The following DSN1 variants were observed in gnomAD, a reference collection of about 807,000 sequenced individuals.
The protein encoded by DSN1 is kinetochore-associated protein DSN1 homolog.
In DSN1, 31 loss-of-function variants were observed where a neutral mutation model predicts 45.7. The ratio of observed to expected loss-of-function variants is 0.68; its 90% CI spans 0.51 to 0.92. The LOEUF is 0.92. DSN1 is among the 40% of genes least tolerant of loss of function. DSN1 has a pLI of 0.00. For missense variants in DSN1, 394 were observed against 414.2 expected, an observed-to-expected ratio of 0.95 and a Z score of 0.42; for synonymous variants, 134 against 142.3, an observed-to-expected ratio of 0.94 and a Z score of 0.41.
In DSN1 at chr20:36,773,756, C is replaced by T. The variant is rs1413122516; in HGVS notation, c.-110G>A. ...CCGATACTCCCTGATCAGGGTGAAG[C>T]GGTCTCCACCTTCTACGTCACGGTC... On this transcript the variant is annotated 5_prime_UTR_variant, in exon 1 of 11. Coordinates refer to ENST00000373750, the MANE Select transcript of DSN1 (RefSeq NM_001145315.2). The T allele has an allele frequency of 4.1e-6, 4 of 985,380 alleles. No homozygotes were observed. The Admixed American group carries it at 1.8e-4, about 45-fold the overall frequency. The allele number at this position is 985,380 out of a possible 1,614,324, so 61.0% of individuals were successfully genotyped here.
At chr20:36,772,672 C>T (rs866179184) in intron 1 of DSN1, among the ~76,000 whole-genome samples, 23 of 152,364 alleles carry the variant, frequency 1.5e-4, no homozygotes, top group Middle Eastern at 3.4e-3. Context: ...TTACCCATTC[C>T]TGCTCTCTCC....
At chr20:36,768,740 A>G (rs1208973624) in intron 3 of DSN1, among the ~76,000 whole-genome samples, 4 of 152,192 alleles carry the variant, frequency 2.6e-5, no homozygotes, top group Non-Finnish European at 5.9e-5. Context: ...ACTGTATACT[A>G]TAAGAAGAGT....
At chr20:36,765,914 C>T (rs1325544632) in intron 5 of DSN1, among the ~76,000 whole-genome samples, 2 of 150,778 alleles carry the variant, frequency 1.3e-5, no homozygotes, top group Non-Finnish European at 2.9e-5. Context: ...AAATCCAGGC[C>T]GGGCACAGTG....
chr20:36,773,705 C>G lies in DSN1; in HGVS notation c.-59G>C. ...GGTCGCTCTCCACAGCCCCAGGTCA[C>G]TCCTGGACGCCTTGCGCACCCGCAG... On this transcript the variant is annotated 5_prime_UTR_variant, in exon 1 of 11. Transcript: ENST00000373750. 1.0e-6 allele frequency: 1 copy of G among 985,612 alleles called. No individual in the cohort carries two copies. Among genetic ancestry groups the G allele is most frequent in the Non-Finnish European group, 1.2e-6 (1 of 830,036 alleles). 61.1% of individuals were successfully genotyped at this position (985,612 alleles called of 1,614,324 possible). A position where few individuals can be genotyped will look rare whatever the true frequency, so the allele number is the denominator to read the frequency against.
intron 5 of DSN1, among the ~76,000 whole-genome samples, chr20:36,764,192 G>A (rs1015968614): frequency 5.3e-5 from 8 of 151,466 alleles, no homozygotes; most frequent in Admixed American, 4.0e-4. Context: ...GTGTACTCCA[G>A]CCTGGGCAAC....
At chr20:36,765,094 C>T (rs1987240443) in intron 5 of DSN1, among the ~76,000 whole-genome samples, 1 of 151,744 alleles carries the variant, frequency 6.6e-6, no homozygotes, top group Non-Finnish European at 1.5e-5. Context: ...TGTAAGAAAA[C>T]AAGTCCCTAC....
chr20:36,763,470 C>T (rs1344470282), intron 5 of DSN1, among the ~76,000 whole-genome samples: 3 of 135,998 alleles, frequency 2.2e-5, no homozygotes, highest in Admixed American at 7.4e-5. Context: ...ATAAGAAACA[C>T]GGAGGCAAAT....
rs1986575045 is a variant in DSN1 at position 36,754,706 on chromosome 20, C to A, written c.961+57G>T. On this transcript the variant is annotated intron_variant, in intron 10 of 10. Transcript: ENST00000373750. The stretch of plus-strand genomic sequence containing the variant: ...TAGGCTTTGAAGGGCAGTTTGTATC[C>A]CAAAGGCTATCATGGAAAACAGCCT... The A allele has an allele frequency of 2.7e-6, 4 of 1,495,746 alleles. No homozygotes were observed. The African/African-American group carries it at 5.5e-5, about 21-fold the overall frequency. The allele number at this position is 1,495,746 out of a possible 1,614,324, so 92.7% of individuals were successfully genotyped here. A position where few individuals can be genotyped will look rare whatever the true frequency, so the allele number is the denominator to read the frequency against.
intron 1 of DSN1, among the ~76,000 whole-genome samples, chr20:36,773,049 A>G (rs1458943469): frequency 6.6e-6 from 1 of 152,168 alleles, no homozygotes; most frequent in African/African-American, 2.4e-5. Flanking sequence ...AAAGATAACA[A>G]GGAGGGCTCG....
intron 8 of DSN1, among the ~76,000 whole-genome samples, chr20:36,757,409 T>C (rs1042654541): frequency 1.3e-5 from 2 of 151,742 alleles, no homozygotes; most frequent in African/African-American, 4.8e-5. Flanking sequence ...TGAAATCCTG[T>C]CTCTACTAAA....
intron 3 of DSN1, among the ~76,000 whole-genome samples, chr20:36,769,712 C>T (rs1987530322): frequency 6.6e-6 from 1 of 151,950 alleles, no homozygotes; most frequent in Non-Finnish European, 1.5e-5. Flanking sequence ...CTGATGAGGA[C>T]CTTAAGACAA....
chr20:36,769,398 A>G (rs1987515521), intron 3 of DSN1, among the ~76,000 whole-genome samples: 1 of 152,224 alleles, frequency 6.6e-6, no homozygotes, highest in Admixed American at 6.5e-5. Flanking sequence ...GCAAGAACCA[A>G]TCTTATTACA....
At chr20:36,753,818 C>G (rs530587026) in intron 10 of DSN1, among the ~76,000 whole-genome samples, 20 of 148,474 alleles carry the variant, frequency 1.3e-4, no homozygotes, top group Non-Finnish European at 2.1e-4. Context: ...ACCAGCCTGA[C>G]CAACATGGAG....
Position 36,773,742 on chromosome 20 carries a change from T to G in DSN1, c.-96A>C, listed in dbSNP as rs921431211. ...TTGCGCACCCGCAGCCGATACTCCCTGATCAGGGTGAAGCGGTCTCCACCT... is the reference window on the plus strand; with the variant it reads ...TTGCGCACCCGCAGCCGATACTCCCGGATCAGGGTGAAGCGGTCTCCACCT... On this transcript the variant is annotated 5_prime_UTR_variant, in exon 1 of 11. Transcript: ENST00000373750. 5.3e-5 allele frequency: 52 copies of G among 985,430 alleles called. No individual in the cohort carries two copies. Among genetic ancestry groups the G allele is most frequent in the Non-Finnish European group, 6.1e-5 (51 of 830,014 alleles). The allele number at this position is 985,430 out of a possible 1,614,324, so 61.0% of individuals were successfully genotyped here.
At chr20:36,758,503 T>C in intron 7 of DSN1, 55 bp downstream of exon 7, 1 of 1,483,194 alleles carries the variant, frequency 6.7e-7, no homozygotes, top group Non-Finnish European at 9.3e-7. Flanking sequence ...TCCAAGTTAG[T>C]TAATTTCCCC....
chr20:36,757,239 C>T (rs753516367), intron 8 of DSN1, among the ~76,000 whole-genome samples: 5 of 151,982 alleles, frequency 3.3e-5, no homozygotes, highest in Non-Finnish European at 5.9e-5. Flanking sequence ...GCCTGTAATC[C>T]CAGCTACTCG....
chr20:36,759,024 C>T (rs1486905293), intron 6 of DSN1, among the ~76,000 whole-genome samples: 1 of 152,038 alleles, frequency 6.6e-6, no homozygotes, highest in Non-Finnish European at 1.5e-5. Flanking sequence ...GCTTTGTCAC[C>T]CAGGCTGGAG....
chr20:36,754,140 C>T (rs1986539498), intron 10 of DSN1, among the ~76,000 whole-genome samples: 1 of 152,048 alleles, frequency 6.6e-6, no homozygotes, highest in Admixed American at 6.6e-5. Context: ...CCAGCCTGGA[C>T]AAACAGGGGG....
chr20:36,767,927 G>A, intron 4 of DSN1, 42 bp downstream of exon 4: 1 of 1,592,472 alleles, frequency 6.3e-7, no homozygotes, highest in Non-Finnish European at 8.6e-7. Context: ...CACAATAGCA[G>A]TTAACAAACA....
Sources: gnomAD v4.1 joint callset for allele counts (sites outside exome capture counted in the v4.1 genomes callset) on GRCh38, gnomAD v4.1.1 for gene constraint, MANE v1.5 for transcripts, NCBI Gene and HGNC (gene_info 2026-07-23, HGNC 2026-07-21) for gene names.